Variants in SRGAP1 observed in about 807,000 individuals in gnomAD.
SRGAP1 encodes the protein SLIT-ROBO Rho GTPase-activating protein 1.
A neutral mutation model predicts 121.9 loss-of-function variants in SRGAP1; 43 were observed. The observed-to-expected ratio is 0.35, with a 90% CI of 0.28 to 0.46. SRGAP1 has a LOEUF of 0.46. Among genes scored for constraint, SRGAP1 ranks in the 20% least tolerant of loss-of-function variants. SRGAP1 has a pLI of 1.00. For synonymous variants in SRGAP1, 447 were observed against 485.4 expected, an observed-to-expected ratio of 0.92 and a Z score of 1.04; for missense variants, 1,102 against 1,350.9, an observed-to-expected ratio of 0.82 and a Z score of 2.89.
chr12:64,054,702 G>C (rs1449912238), intron 6 of SRGAP1, among the ~76,000 whole-genome samples: 3 of 150,984 alleles, frequency 2.0e-5, no homozygotes, highest in African/African-American at 7.3e-5. Context: ...GACTGAAGTA[G>C]TTGGCTTTTT....
intron 8 of SRGAP1, among the ~76,000 whole-genome samples, chr12:64,074,306 A>G (rs1258520159): frequency 6.6e-6 from 1 of 152,136 alleles, no homozygotes; most frequent in Non-Finnish European, 1.5e-5. Flanking sequence ...GGGATCTTTT[A>G]AAAATGTAAA....
intron 3 of SRGAP1, among the ~76,000 whole-genome samples, chr12:63,992,431 CTCT>C (rs2033578979): frequency 6.6e-6 from 1 of 152,102 alleles, no homozygotes. Context: ...CCTGTGAGTG[CTCT>C]GGGGCTGGCA....
chr12:64,017,012 G>A lies in SRGAP1; in HGVS notation c.489G>A (p.Thr163=), dbSNP rs139233614. 3 of 1,509,276 alleles carry A rather than the reference G, an allele frequency of 2.0e-6. No homozygotes were observed. The highest frequency in any genetic ancestry group is 1.4e-5 in the African/African-American group (1 of 72,738). 93.5% of individuals were successfully genotyped at this position (1,509,276 alleles called of 1,614,324 possible). A position where few individuals can be genotyped will look rare whatever the true frequency, so the allele number is the denominator to read the frequency against. ...DLMKVLNELY[T]VMKTYHMYHA... is the part of the protein sequence containing the mutation. Reference sequence around the variant, plus strand: ...TGAAGGTTCTTAATGAGCTTTATACGGTAAGGACATAATCTTTCTTCTTTT... The same window carrying A: ...TGAAGGTTCTTAATGAGCTTTATACAGTAAGGACATAATCTTTCTTCTTTT... Residue 163 remains threonine (T), a splice_region_variant and synonymous_variant, in exon 4 of 22, where the codon ACG becomes ACA. Coordinates refer to ENST00000355086, the MANE Select transcript of SRGAP1 (RefSeq NM_020762.4).
At chr12:64,120,251 C>T (rs1693000945) in intron 18 of SRGAP1, among the ~76,000 whole-genome samples, 1 of 152,120 alleles carries the variant, frequency 6.6e-6, no homozygotes, top group South Asian at 2.1e-4. Context: ...GTCTTATTTT[C>T]CACTGTGTTT....
intron 1 of SRGAP1, among the ~76,000 whole-genome samples, chr12:63,913,724 T>C (rs896745290): frequency 3.3e-5 from 5 of 151,792 alleles, no homozygotes; most frequent in Admixed American, 1.3e-4. Context: ...GACCACAATG[T>C]GTGTTACCCG....
chr12:63,949,401 TA>T (rs1328145325), intron 1 of SRGAP1, among the ~76,000 whole-genome samples: 19 of 40,334 alleles, frequency 4.7e-4, no homozygotes, highest in Middle Eastern at 0.013. Context: ...TATTATTTAT[TA>T]TTATTATTAT....
chr12:63,854,670 A>C (rs1170823722), intron 1 of SRGAP1, among the ~76,000 whole-genome samples: 1 of 152,194 alleles, frequency 6.6e-6, no homozygotes, highest in Non-Finnish European at 1.5e-5. Flanking sequence ...ATCTACCTTA[A>C]TGTATGCAAC....
intron 3 of SRGAP1, among the ~76,000 whole-genome samples, chr12:64,016,438 G>A (rs2034404080): frequency 6.6e-6 from 1 of 152,076 alleles, no homozygotes; most frequent in African/African-American, 2.4e-5. Flanking sequence ...GGTGAGCTGT[G>A]AGCATGCCAC....
intron 1 of SRGAP1, among the ~76,000 whole-genome samples, chr12:63,857,130 A>AG (rs58561193): frequency 0.28 from 42,442 of 149,874 alleles, 6,899 homozygotes; most frequent in East Asian, 0.55. Context: ...CCCAGGCTGG[A>AG]GTGCACTGGC....
rs1457535509 is a variant in SRGAP1 at position 63,895,331 on chromosome 12, G to A, written c.67+50448G>A. 4.1e-4 allele frequency among the ~76,000 whole-genome samples: 62 copies of A among 152,276 alleles called. 1 individual carries two copies. The highest frequency in any genetic ancestry group is 7.4e-5 in the Non-Finnish European group (5 of 68,020). ...ACATGCAGGAAGTGTGGTTGAAAAG[G>A]TTTATGGGATGTTTAGCCCTCTGCC... On this transcript the variant is annotated intron_variant, in intron 1 of 21. Transcript: ENST00000355086.
chr12:64,101,004 G>A (rs775211114), intron 15 of SRGAP1, among the ~76,000 whole-genome samples: 17 of 152,134 alleles, frequency 1.1e-4, no homozygotes, highest in Non-Finnish European at 2.4e-4. Flanking sequence ...TTGCATTTAA[G>A]AGGCTTAAAA....
chr12:63,982,952 CT>C (rs2033292531), intron 1 of SRGAP1: 1 of 152,172 alleles, frequency 6.6e-6, no homozygotes, highest in South Asian at 2.1e-4. Flanking sequence ...TCAGAGGATT[CT>C]TTGAGGATTA....
At chr12:63,939,134 A>G (rs59828176) in intron 1 of SRGAP1, among the ~76,000 whole-genome samples, 19,098 of 149,754 alleles carry the variant, frequency 0.13, 2,278 homozygotes, top group African/African-American at 0.32. Flanking sequence ...TAGATCCACC[A>G]TGGGCCACAG....
chr12:64,096,388 G>C (rs1022334442), intron 14 of SRGAP1, among the ~76,000 whole-genome samples: 2 of 152,142 alleles, frequency 1.3e-5, no homozygotes, highest in Non-Finnish European at 2.9e-5. Context: ...CACACTTTTT[G>C]TGAACTTTAG....
chr12:64,073,777 T>TAA (rs565019751), intron 8 of SRGAP1, among the ~76,000 whole-genome samples: 2 of 144,906 alleles, frequency 1.4e-5, no homozygotes, highest in Non-Finnish European at 3.0e-5. Context: ...ACAGAATCCA[T>TAA]AAAAAAAAAA....
intron 1 of SRGAP1, among the ~76,000 whole-genome samples, chr12:63,883,116 C>G (rs2136288167): frequency 6.6e-6 from 1 of 152,352 alleles, no homozygotes; most frequent in South Asian, 2.1e-4. Flanking sequence ...CATTTAGGCT[C>G]AGGCCCACAG....
chr12:64,151,575 T>G lies in SRGAP1; in HGVS notation c.*8903T>G, dbSNP rs1297371309. The G allele has an allele frequency of 2.0e-5, 3 of 152,182 alleles. No homozygotes were observed. The highest frequency in any genetic ancestry group is 2.9e-5 in the Non-Finnish European group (2 of 68,030). 9.4% of individuals were successfully genotyped at this position (152,182 alleles called of 1,614,324 possible). A position where few individuals can be genotyped will look rare whatever the true frequency, so the allele number is the denominator to read the frequency against. On this transcript the variant is annotated 3_prime_UTR_variant, in exon 22 of 22. Coordinates refer to ENST00000355086, the MANE Select transcript of SRGAP1 (RefSeq NM_020762.4). Reference sequence around the variant, plus strand: ...AGGCTCATGACAAATATTGCCGACCTGTTTTCCAGCAAAGTTGTACAAATT... The same window carrying G: ...AGGCTCATGACAAATATTGCCGACCGGTTTTCCAGCAAAGTTGTACAAATT...
At chr12:63,979,931 AC>A (rs1484063541) in intron 1 of SRGAP1, among the ~76,000 whole-genome samples, 15 of 152,162 alleles carry the variant, frequency 9.9e-5, no homozygotes, top group African/African-American at 3.6e-4. Flanking sequence ...CGCTTTCACC[AC>A]TTCCAGCTTT....
intron 4 of SRGAP1, among the ~76,000 whole-genome samples, chr12:64,024,128 C>T (rs139421383): frequency 2.3e-4 from 35 of 152,262 alleles, no homozygotes; most frequent in South Asian, 2.3e-3. Flanking sequence ...TTCGTGTAAT[C>T]GGCTTTCATA....
Sources: allele counts gnomAD v4.1 joint callset (sites outside exome capture counted in the v4.1 genomes callset), GRCh38; gene constraint gnomAD v4.1.1; transcripts MANE v1.5; gene names NCBI Gene and HGNC (gene_info 2026-07-23, HGNC 2026-07-21).